The following ZFR variants were observed in gnomAD, a reference collection of about 807,000 sequenced individuals.
ZFR encodes zinc finger RNA binding protein, also known as zinc finger RNA-binding protein.
A neutral mutation model predicts 130.7 loss-of-function variants in ZFR; 19 were observed. The observed-to-expected ratio is 0.15, with a 90% CI of 0.10 to 0.21. The LOEUF (loss-of-function observed/expected upper bound fraction) is 0.21. Among genes scored for constraint, ZFR ranks in the 10% least tolerant of loss-of-function variants. The probability of loss-of-function intolerance (pLI) is 1.00; values close to 1 mark genes in which losing one functional copy is unlikely to be tolerated. For synonymous variants in ZFR, 466 were observed against 456.9 expected (o/e 1.02, Z -0.25); for missense variants, 872 against 1,321.5 (o/e 0.66, Z 5.27).
At chr5:32,361,996 G>A (rs1344215613) in intron 19 of ZFR, among the ~76,000 whole-genome samples, 1 of 152,098 alleles carries the variant, frequency 6.6e-6, no homozygotes, top group East Asian at 1.9e-4. Context: ...AGGTTTGAGT[G>A]AGCACCCTAT....
chr5:32,386,184 T>C (rs1328074633), intron 14 of ZFR, among the ~76,000 whole-genome samples: 1 of 152,072 alleles, frequency 6.6e-6, no homozygotes, highest in Non-Finnish European at 1.5e-5. Flanking sequence ...ATTTCCAGTA[T>C]AGTATCTAGG....
chr5:32,402,009 C>T (rs1373424551), intron 8 of ZFR, among the ~76,000 whole-genome samples: 2 of 152,266 alleles, frequency 1.3e-5, no homozygotes, highest in Non-Finnish European at 2.9e-5. Context: ...GAATGAGACA[C>T]ATTGGGAGGC....
In ZFR at chr5:32,390,364, G is replaced by C; in HGVS notation, c.2053C>G (p.Pro685Ala). Reference sequence around the variant, plus strand: ...GGACCATGAGGATAACCTCCATCTGGCATTCGGCGGCGATCATCCCAATGA... The same window carrying C: ...GGACCATGAGGATAACCTCCATCTGCCATTCGGCGGCGATCATCCCAATGA... ...QHHWDDRRRM[P>A]DGGYPHGPPG... is the part of the protein sequence containing the mutation. The change falls in exon 12 of 20, where the codon CCA becomes GCA. Residue 685 changes from proline (P) to alanine (A), a missense_variant. Coordinates refer to ENST00000265069, the MANE Select transcript of ZFR (RefSeq NM_016107.5). The C allele has an allele frequency of 6.2e-7, 1 of 1,614,124 alleles. No individual in the cohort carries two copies. Among genetic ancestry groups the C allele is most frequent in the Non-Finnish European group, 8.5e-7 (1 of 1,180,010 alleles).
Position 32,390,508 on chromosome 5 carries a change from C to CA in ZFR, c.1980-72dup. The CA allele has an allele frequency of 1.4e-6, 2 of 1,413,930 alleles. 1 individual carries two copies. Among genetic ancestry groups the CA allele is most frequent in the South Asian group, 3.4e-5 (2 of 58,116 alleles). 87.6% of individuals were successfully genotyped at this position (1,413,930 alleles called of 1,614,324 possible). A position where few individuals can be genotyped will look rare whatever the true frequency, so the allele number is the denominator to read the frequency against. Reference sequence around the variant, plus strand: ...GCCCAAGAACTTGCATCAATAGTGACATAAAAAGCAATAAAAAACCCCACC... The same window carrying CA: ...GCCCAAGAACTTGCATCAATAGTGACAATAAAAAGCAATAAAAAACCCCACC... On this transcript the variant is annotated intron_variant, in intron 11 of 19. Transcript: ENST00000265069.
intron 17 of ZFR, among the ~76,000 whole-genome samples, chr5:32,368,929 C>G (rs2111675734): frequency 6.6e-6 from 1 of 151,984 alleles, no homozygotes; most frequent in African/African-American, 2.4e-5. Flanking sequence ...AAGCCACTTA[C>G]ATAGTCCAGT....
chr5:32,383,771 C>T (rs1420712739), intron 15 of ZFR: 5 of 456,652 alleles, frequency 1.1e-5, no homozygotes, highest in Non-Finnish European at 2.2e-5. Context: ...CGTTATTCTG[C>T]AGCAAGAAAG....
intron 2 of ZFR, among the ~76,000 whole-genome samples, chr5:32,440,211 G>A (rs776039807): frequency 1.3e-5 from 2 of 152,058 alleles, no homozygotes; most frequent in African/African-American, 2.4e-5. Flanking sequence ...TTCCCTTTTG[G>A]CCATGAAGCC....
At chr5:32,415,391 A>C (rs987353728) in intron 4 of ZFR, among the ~76,000 whole-genome samples, 5 of 152,084 alleles carry the variant, frequency 3.3e-5, no homozygotes, top group African/African-American at 1.2e-4. Context: ...CTTCTGCCAA[A>C]TGCTTTCTAT....
intron 3 of ZFR, 96 bp downstream of exon 3, chr5:32,419,724 GC>G: frequency 6.7e-7 from 1 of 1,482,282 alleles, no homozygotes; most frequent in East Asian, 2.3e-5. Flanking sequence ...TATTTTGGAA[GC>G]CCCAAGTTTG....
chr5:32,408,809 T>C (rs1305551963), intron 5 of ZFR, among the ~76,000 whole-genome samples: 2 of 152,246 alleles, frequency 1.3e-5, no homozygotes, highest in African/African-American at 4.8e-5. Context: ...CCTGTTTCTA[T>C]TTTCATTTCA....
intron 17 of ZFR, among the ~76,000 whole-genome samples, chr5:32,375,064 A>G (rs1317955134): frequency 2.0e-5 from 3 of 152,182 alleles, no homozygotes; most frequent in Non-Finnish European, 4.4e-5. Flanking sequence ...GAAATTCTTA[A>G]ACAAACTATT....
chr5:32,378,202 ACAAT>A lies in ZFR; in HGVS notation c.2835+909_2835+912del, dbSNP rs201549449. On this transcript the variant is annotated intron_variant, in intron 17 of 19. Coordinates refer to ENST00000265069, the MANE Select transcript of ZFR (RefSeq NM_016107.5). ...CCTCAAAAGCTTGACAACAATATAT[ACAAT>A]GAGGTATAATAAGGATTTAATAGCA... is the stretch of plus-strand genomic sequence containing the variant. Among the ~76,000 whole-genome samples the A allele has an allele frequency of 7.8e-3, 1,181 of 152,338 alleles. 14 individuals are homozygous for A. The highest frequency in any genetic ancestry group is 0.027 in the African/African-American group (1,116 of 41,576).
At position 32,364,028 on chromosome 5, in the gene ZFR, C is replaced by T; in HGVS notation, c.2965G>A (p.Asp989Asn). 1 of 1,613,932 alleles carries T rather than the reference C, an allele frequency of 6.2e-7. No homozygotes were observed. The change falls in exon 19 of 20, where the codon GAT becomes AAT. Residue 989 changes from aspartate (D) to asparagine (N), a missense_variant. This residue lies in a region of ZFR where 158 missense variants were observed against 264.0 expected (regional missense o/e 0.60). Transcript: ENST00000265069. ...IILKGSPGLLDPCEKDPFDTL... is the reference protein window; with the variant it reads ...IILKGSPGLLNPCEKDPFDTL... Reference sequence around the variant, plus strand: ...TCAAAGGGATCCTTTTCACAAGGATCCAGAAGTCCAGGACTACCTACAGCA... The same window carrying T: ...TCAAAGGGATCCTTTTCACAAGGATTCAGAAGTCCAGGACTACCTACAGCA...
chr5:32,381,842 G>A (rs1752942783), intron 15 of ZFR, among the ~76,000 whole-genome samples: 1 of 152,078 alleles, frequency 6.6e-6, no homozygotes, highest in Admixed American at 6.6e-5. Context: ...ACTAAAAGAG[G>A]AATTTGGTGC....
chr5:32,407,882 C>T (rs972251883), intron 5 of ZFR, among the ~76,000 whole-genome samples: 1 of 151,980 alleles, frequency 6.6e-6, no homozygotes, highest in African/African-American at 2.4e-5. Context: ...AACGTGGAGA[C>T]GGGGTTTCGC....
At chr5:32,392,626 G>T (rs1457136280) in intron 11 of ZFR, among the ~76,000 whole-genome samples, 3 of 152,148 alleles carry the variant, frequency 2.0e-5, no homozygotes, top group African/African-American at 7.2e-5. Flanking sequence ...GCTGTAGCAG[G>T]GGTTCTCCAG....
chr5:32,390,083 G>A (rs1037647108), intron 12 of ZFR, among the ~76,000 whole-genome samples, 192 bp downstream of exon 12: 9 of 152,264 alleles, frequency 5.9e-5, no homozygotes, highest in Admixed American at 3.3e-4. Flanking sequence ...CCTGGGAAGC[G>A]CACGTTACGT....
At chr5:32,393,276 A>G (rs1012767851) in intron 11 of ZFR, among the ~76,000 whole-genome samples, 2 of 152,200 alleles carry the variant, frequency 1.3e-5, no homozygotes, top group South Asian at 4.1e-4. Context: ...ACATGTAACC[A>G]TATTTCAAAA....
chr5:32,423,022 T>G (rs540281772), intron 2 of ZFR, among the ~76,000 whole-genome samples: 1 of 151,936 alleles, frequency 6.6e-6, no homozygotes, highest in South Asian at 2.1e-4. Flanking sequence ...AATAAGACTT[T>G]CAAGACTTCC....
Sources: gnomAD v4.1 joint callset for allele counts (sites outside exome capture counted in the v4.1 genomes callset) on GRCh38, gnomAD v4.1.1 for gene constraint, gnomAD v4.1.1 regional missense constraint, MANE v1.5 for transcripts, NCBI Gene and HGNC (gene_info 2026-07-23, HGNC 2026-07-21) for gene names.